The following RBFOX1 variants were observed in gnomAD, a reference collection of about 807,000 sequenced individuals.
RBFOX1 encodes RNA binding protein fox-1 homolog 1.
In RBFOX1, 8 loss-of-function variants were observed where a neutral mutation model predicts 57.7. That is an observed-to-expected ratio of 0.14 (90% CI 0.08 to 0.25). The LOEUF (loss-of-function observed/expected upper bound fraction) is 0.25, where lower values mean the gene tolerates loss of function less well. RBFOX1 is among the 10% of genes least tolerant of loss of function. The pLI, the probability that RBFOX1 is intolerant of heterozygous loss-of-function variation, is 1.00. For missense variants in RBFOX1, 611 were observed against 548.5 expected, an observed-to-expected ratio of 1.11 and a Z score of -1.14; for synonymous variants, 326 against 222.4, an observed-to-expected ratio of 1.47 and a Z score of -4.15.
At chr16:5,395,972 C>T (rs2066541741) in intron 1 of RBFOX1, among the ~76,000 whole-genome samples, 1 of 152,204 alleles carries the variant, frequency 6.6e-6, no homozygotes, top group South Asian at 2.1e-4. Context: ...CCATTTAAGC[C>T]TGTGGGCTCA....
chr16:6,615,511 A>G (rs1389691730), intron 2 of RBFOX1, among the ~76,000 whole-genome samples: 1 of 152,012 alleles, frequency 6.6e-6, no homozygotes, highest in Admixed American at 6.6e-5. Context: ...CAGAGGTTGC[A>G]GTGAGCCAAG....
At chr16:6,152,421 C>A (rs1252272452) in intron 1 of RBFOX1, among the ~76,000 whole-genome samples, 4 of 152,048 alleles carry the variant, frequency 2.6e-5, no homozygotes, top group African/African-American at 9.7e-5. Flanking sequence ...TCCCAGAGGC[C>A]TGTTTACTTC....
At position 5,824,506 on chromosome 16, in the gene RBFOX1, G is replaced by A. The variant is rs115117721; in HGVS notation, c.319-42797G>A. On this transcript the variant is annotated intron_variant, in intron 3 of 19. Transcript: ENST00000641259. ...TTATGCTCTCTTCATGCAGGGGGCTGCAGGGTGACTTTAGGCTGGTCAGTG... is the reference window on the plus strand; with the variant it reads ...TTATGCTCTCTTCATGCAGGGGGCTACAGGGTGACTTTAGGCTGGTCAGTG... 4.4e-3 allele frequency among the ~76,000 whole-genome samples: 671 copies of A among 152,350 alleles called. 6 individuals carry two copies. Among genetic ancestry groups the A allele is most frequent in the African/African-American group, 0.015 (634 of 41,584 alleles).
At chr16:5,564,443 A>G (rs879306217) in intron 2 of RBFOX1, among the ~76,000 whole-genome samples, 1 of 152,142 alleles carries the variant, frequency 6.6e-6, no homozygotes, top group Non-Finnish European at 1.5e-5. Flanking sequence ...TTCTTGGATT[A>G]TCTCTTTCTC....
chr16:7,113,786 T>C (rs1031123338), intron 4 of RBFOX1, among the ~76,000 whole-genome samples: 1 of 152,180 alleles, frequency 6.6e-6, no homozygotes, highest in Non-Finnish European at 1.5e-5. Context: ...CCCTTATTGA[T>C]GATGGGCATT....
At chr16:7,357,249 A>T (rs76583707) in intron 4 of RBFOX1, among the ~76,000 whole-genome samples, 1 of 151,202 alleles carries the variant, frequency 6.6e-6, no homozygotes, top group Non-Finnish European at 1.5e-5. Flanking sequence ...AAAAAAAAAA[A>T]TCTCTTGGAT....
At chr16:6,915,449 C>G (rs2072895829) in intron 3 of RBFOX1, among the ~76,000 whole-genome samples, 1 of 152,084 alleles carries the variant, frequency 6.6e-6, no homozygotes, top group African/African-American at 2.4e-5. Flanking sequence ...TCCTTGATAA[C>G]TTTTCAAAAA....
intron 4 of RBFOX1, among the ~76,000 whole-genome samples, chr16:7,334,763 G>A (rs1328403965): frequency 6.6e-6 from 1 of 152,208 alleles, no homozygotes; most frequent in Non-Finnish European, 1.5e-5. Flanking sequence ...AGGGCCAGCT[G>A]AGAAATTGGG....
intron 1 of RBFOX1, among the ~76,000 whole-genome samples, chr16:5,285,733 G>C (rs2063377617): frequency 6.6e-6 from 1 of 152,134 alleles, no homozygotes; most frequent in Non-Finnish European, 1.5e-5. Context: ...GGCATGAATG[G>C]TGTCTGTGAG....
chr16:7,083,122 A>C (rs371749956), intron 4 of RBFOX1, among the ~76,000 whole-genome samples: 2 of 152,188 alleles, frequency 1.3e-5, no homozygotes, highest in African/African-American at 4.8e-5. Context: ...AATTGATTGA[A>C]TCATCAATTT....
At chr16:5,441,212 A>T (rs1265716927) in intron 1 of RBFOX1, among the ~76,000 whole-genome samples, 1 of 152,194 alleles carries the variant, frequency 6.6e-6, no homozygotes, top group Admixed American at 6.5e-5. Context: ...TATTGTAGAT[A>T]GAGCTATGAG....
At chr16:6,521,570 T>TTCTCTC (rs144674350) in intron 2 of RBFOX1, among the ~76,000 whole-genome samples, 3 of 151,334 alleles carry the variant, frequency 2.0e-5, no homozygotes, top group South Asian at 4.2e-4. Context: ...CTCTTTGTCT[T>TTCTCTC]TCTCTCTTTA....
At chr16:5,342,498 G>A (rs2065053678) in intron 1 of RBFOX1, among the ~76,000 whole-genome samples, 1 of 152,200 alleles carries the variant, frequency 6.6e-6, no homozygotes, top group African/African-American at 2.4e-5. Flanking sequence ...TTAGTAAAAT[G>A]AGGATAATAA....
At chr16:7,676,633 C>T (rs770275140) in intron 13 of RBFOX1, 141 bp from the exon 14 acceptor site, 71 of 688,980 alleles carry the variant, frequency 1.0e-4, no homozygotes, top group Admixed American at 6.4e-4. Flanking sequence ...TTTGTATTTT[C>T]GCTTTGATAC....
At chr16:6,160,946 C>T (rs973416618) in intron 1 of RBFOX1, among the ~76,000 whole-genome samples, 4 of 152,192 alleles carry the variant, frequency 2.6e-5, no homozygotes, top group African/African-American at 7.2e-5. Flanking sequence ...CTAGAACATT[C>T]GCCCCTTGTT....
At chr16:6,336,372 T>A (rs1047084416) in intron 2 of RBFOX1, among the ~76,000 whole-genome samples, 2 of 150,980 alleles carry the variant, frequency 1.3e-5, no homozygotes, top group East Asian at 3.9e-4. Context: ...ATTTTTTGTA[T>A]TTTTAGTAGA....
At chr16:7,259,314 T>C (rs1202724782) in intron 4 of RBFOX1, among the ~76,000 whole-genome samples, 7 of 152,146 alleles carry the variant, frequency 4.6e-5, no homozygotes, top group Non-Finnish European at 8.8e-5. Flanking sequence ...CACCTTCCCC[T>C]CTCAGGCACA....
At chr16:6,557,055 A>G (rs1340130817) in intron 2 of RBFOX1, among the ~76,000 whole-genome samples, 1 of 145,084 alleles carries the variant, frequency 6.9e-6, no homozygotes. Flanking sequence ...ACATATATAT[A>G]CATATATACA....
chr16:6,642,377 C>T (rs185587944), intron 2 of RBFOX1, among the ~76,000 whole-genome samples: 1 of 152,138 alleles, frequency 6.6e-6, no homozygotes, highest in Admixed American at 6.5e-5. Context: ...GCTGTGATGC[C>T]AATGCATAGC....
Sources: gnomAD v4.1 joint callset for allele counts (sites outside exome capture counted in the v4.1 genomes callset) on GRCh38, gnomAD v4.1.1 for gene constraint, MANE v1.5 for transcripts, NCBI Gene and HGNC (gene_info 2026-07-23, HGNC 2026-07-21) for gene names.